Variants in PTGIS observed in about 807,000 individuals in gnomAD.
PTGIS encodes the protein prostacyclin synthase.
Under a neutral mutation model 50.3 loss-of-function variants are expected in PTGIS, and 45 were observed. The ratio of observed to expected loss-of-function variants is 0.90; its 90% CI spans 0.70 to 1.15. The LOEUF is 1.15. Ranked by LOEUF, PTGIS falls within the 50% of genes most tolerant of loss-of-function variation. The pLI is 0.00. For synonymous variants in PTGIS, 260 were observed against 267.7 expected (o/e 0.97, Z 0.28); for missense variants, 668 against 661.3 (o/e 1.01, Z -0.11).
At chr20:49,531,254 A>G (rs1044960350) in intron 5 of PTGIS, among the ~76,000 whole-genome samples, 1 of 152,232 alleles carries the variant, frequency 6.6e-6, no homozygotes, top group Non-Finnish European at 1.5e-5. Flanking sequence ...CATATACTGT[A>G]GAGATTCAAG....
At chr20:49,560,365 G>A (rs1982739088) in intron 1 of PTGIS, among the ~76,000 whole-genome samples, 1 of 151,998 alleles carries the variant, frequency 6.6e-6, no homozygotes, top group African/African-American at 2.4e-5. Context: ...CATCACACCT[G>A]ACTTTGTTTT....
chr20:49,513,185 C>T lies in PTGIS; in HGVS notation c.1101G>A (p.Met367Ile). 1 of 1,614,120 alleles carries T rather than the reference C, an allele frequency of 6.2e-7. No individual in the cohort carries two copies. The highest frequency in any genetic ancestry group is 8.5e-7 in the Non-Finnish European group (1 of 1,180,022). Reference sequence around the variant, plus strand: ...TGAATTCTCGCCCGTCTGCCATGGGCATGGCCAGGTCCACCACAACCTCGC... The same window carrying T: ...TGAATTCTCGCCCGTCTGCCATGGGTATGGCCAGGTCCACCACAACCTCGC... ...ITREVVVDLA[M>I]PMADGREFNL... The change falls in exon 8 of 10, where the codon ATG (methionine) becomes ATA (isoleucine). Residue 367 changes from methionine to isoleucine, a missense_variant. Coordinates refer to ENST00000244043, the MANE Select transcript of PTGIS (RefSeq NM_000961.4).
intron 1 of PTGIS, among the ~76,000 whole-genome samples, chr20:49,562,044 C>T (rs1423163281): frequency 6.6e-6 from 1 of 152,082 alleles, no homozygotes; most frequent in Non-Finnish European, 1.5e-5. Flanking sequence ...ACTGCCAGGC[C>T]CATTTTACAG....
rs1015011245 is a variant in PTGIS, at chr20:49,565,687, T to C, written c.74+2356A>G. On this transcript the variant is annotated intron_variant, in intron 1 of 9. Transcript: ENST00000244043. ...ACTAAAAGTAAAAGCTAAAAATTCT[T>C]ACAGCCCAGAGTTTTAATCCAGACA... Among the ~76,000 whole-genome samples the C allele has an allele frequency of 2.6e-5, 4 of 151,916 alleles. No individual in the cohort carries two copies. The South Asian group carries it at 6.2e-4, about 24-fold the overall frequency.
At chr20:49,566,170 C>A (rs748499881) in intron 1 of PTGIS, among the ~76,000 whole-genome samples, 1 of 152,152 alleles carries the variant, frequency 6.6e-6, no homozygotes, top group Non-Finnish European at 1.5e-5. Flanking sequence ...GCAGAGGTTG[C>A]GGTGAGCCGA....
chr20:49,552,608 A>G (rs1445005260), intron 1 of PTGIS, among the ~76,000 whole-genome samples: 2 of 152,096 alleles, frequency 1.3e-5, no homozygotes, highest in Non-Finnish European at 2.9e-5. Flanking sequence ...TTTAGTATGC[A>G]AGTTTGGCTG....
chr20:49,548,401 G>A (rs919897302), intron 2 of PTGIS, among the ~76,000 whole-genome samples: 5 of 152,164 alleles, frequency 3.3e-5, no homozygotes, highest in African/African-American at 4.8e-5. Flanking sequence ...GAGAGAAGGC[G>A]GCAGATGGAT....
At chr20:49,513,517 A>G (rs1014605808) in intron 7 of PTGIS, among the ~76,000 whole-genome samples, 19 of 151,980 alleles carry the variant, frequency 1.3e-4, no homozygotes, top group Non-Finnish European at 8.8e-5. Context: ...AGCTAGGGAG[A>G]TATCAGAAGG....
chr20:49,513,314 A>T, intron 7 of PTGIS, 53 bp from the exon 8 acceptor site: 1 of 1,571,484 alleles, frequency 6.4e-7, no homozygotes, highest in Non-Finnish European at 8.6e-7. Context: ...TCACCTGCTC[A>T]TATGCCAACC....
At chr20:49,548,081 G>T in intron 2 of PTGIS, 62 bp from the exon 3 acceptor site, 1 of 1,507,046 alleles carries the variant, frequency 6.6e-7, no homozygotes. Context: ...CGCTCTCAGT[G>T]GTCAGGGCCT....
intron 6 of PTGIS, among the ~76,000 whole-genome samples, chr20:49,523,842 A>C (rs914598493): frequency 6.6e-6 from 1 of 152,224 alleles, no homozygotes; most frequent in African/African-American, 2.4e-5. Context: ...TTTGACAGTA[A>C]AGGAAGTCAG....
intron 1 of PTGIS, 98 bp downstream of exon 1, chr20:49,567,945 C>T (rs1273034795): frequency 3.3e-6 from 4 of 1,196,420 alleles, no homozygotes; most frequent in Non-Finnish European, 2.2e-6. Context: ...GAGCGGGACT[C>T]GGGCCGGGCC....
intron 9 of PTGIS, among the ~76,000 whole-genome samples, chr20:49,509,885 T>C (rs782057): frequency 1.2e-3 from 130 of 105,598 alleles, no homozygotes; most frequent in East Asian, 2.8e-3. Context: ...TTCTTTCTTT[T>C]TTTTTTTTTT....
chr20:49,559,367 T>C (rs1336123905), intron 1 of PTGIS, among the ~76,000 whole-genome samples: 3 of 152,154 alleles, frequency 2.0e-5, no homozygotes, highest in African/African-American at 7.2e-5. Context: ...GGTCTGTCTA[T>C]GGTGTGGCCA....
intron 6 of PTGIS, among the ~76,000 whole-genome samples, chr20:49,519,872 T>C (rs1981602069): frequency 6.6e-6 from 1 of 150,804 alleles, no homozygotes; most frequent in Non-Finnish European, 1.5e-5. Flanking sequence ...TTGATATATG[T>C]TCAGAATCTA....
intron 3 of PTGIS, among the ~76,000 whole-genome samples, chr20:49,547,596 G>C (rs1247421304): frequency 6.8e-6 from 1 of 147,136 alleles, no homozygotes; most frequent in African/African-American, 2.7e-5. Context: ...ACTAAAATCA[G>C]GGCTGCCTCC....
chr20:49,558,222 C>G (rs1435590353), intron 1 of PTGIS, among the ~76,000 whole-genome samples: 1 of 152,126 alleles, frequency 6.6e-6, no homozygotes, highest in Admixed American at 6.5e-5. Flanking sequence ...GACCCTGTCT[C>G]TACAAAAAAT....
chr20:49,543,089 T>A (rs1029971486), intron 4 of PTGIS, among the ~76,000 whole-genome samples: 2 of 152,138 alleles, frequency 1.3e-5, no homozygotes, highest in Admixed American at 6.5e-5. Flanking sequence ...AAATTAAATT[T>A]AAATTAAATT....
chr20:49,508,141 T>G, intron 9 of PTGIS, 77 bp from the exon 10 acceptor site: 11 of 1,536,924 alleles, frequency 7.2e-6, no homozygotes, highest in Non-Finnish European at 9.8e-6. Flanking sequence ...AGGGGAGCCA[T>G]GGCTGCCTCC....
Sources: gnomAD v4.1 joint callset for allele counts (sites outside exome capture counted in the v4.1 genomes callset) on GRCh38, gnomAD v4.1.1 for gene constraint, MANE v1.5 for transcripts, NCBI Gene and HGNC (gene_info 2026-07-23, HGNC 2026-07-21) for gene names.